Variants in PRKG1 observed in about 807,000 individuals in gnomAD.
PRKG1 encodes the protein cGMP-dependent protein kinase 1.
PRKG1 carries 35 observed loss-of-function variants against 88.1 expected under a neutral mutation model. That is an observed-to-expected ratio of 0.40 (90% CI 0.30 to 0.53). The LOEUF is 0.53. Among genes scored for constraint, PRKG1 ranks in the 20% least tolerant of loss-of-function variants. The pLI, the probability that PRKG1 is intolerant of heterozygous loss-of-function variation, is 0.59. For missense variants in PRKG1, 540 were observed against 839.8 expected (o/e 0.64, Z 4.41); for synonymous variants, 303 against 292.5 (o/e 1.04, Z -0.37).
intron 3 of PRKG1, among the ~76,000 whole-genome samples, chr10:51,563,791 T>C (rs1229844380): frequency 6.6e-6 from 1 of 152,164 alleles, no homozygotes; most frequent in African/African-American, 2.4e-5. Flanking sequence ...TCGGCCACTA[T>C]GTTGACCTCT....
intron 2 of PRKG1, among the ~76,000 whole-genome samples, chr10:51,186,543 C>T (rs1837491362): frequency 6.6e-6 from 1 of 151,976 alleles, no homozygotes; most frequent in Non-Finnish European, 1.5e-5. Flanking sequence ...CAAACAGTGT[C>T]TCAGGGTGAG....
intron 2 of PRKG1, among the ~76,000 whole-genome samples, chr10:51,348,578 C>A (rs180973683): frequency 2.7e-4 from 41 of 152,168 alleles, no homozygotes; most frequent in Non-Finnish European, 5.1e-4. Flanking sequence ...GAAATAAAGC[C>A]TTTTTTAAAA....
At chr10:51,232,788 C>T (rs1364801443) in intron 2 of PRKG1, among the ~76,000 whole-genome samples, 1 of 152,084 alleles carries the variant, frequency 6.6e-6, no homozygotes, top group Non-Finnish European at 1.5e-5. Flanking sequence ...TGCTTGAATC[C>T]ACAGCTCCTT....
chr10:52,200,631 C>A (rs1839639585), intron 9 of PRKG1, among the ~76,000 whole-genome samples: 2 of 152,166 alleles, frequency 1.3e-5, no homozygotes, highest in South Asian at 4.1e-4. Context: ...GAGAAATTAT[C>A]AGACTGCTTT....
intron 12 of PRKG1, among the ~76,000 whole-genome samples, chr10:52,274,534 T>TAC (rs3031885): frequency 0.1 from 15,271 of 149,844 alleles, 1,245 homozygotes; most frequent in African/African-American, 0.22. Flanking sequence ...TATATATATA[T>TAC]ACACACACAC....
chr10:51,916,788 G>A (rs1269308046), intron 5 of PRKG1, among the ~76,000 whole-genome samples: 1 of 152,132 alleles, frequency 6.6e-6, no homozygotes, highest in African/African-American at 2.4e-5. Context: ...ATCAGCTGAT[G>A]GATGGGTAAA....
rs549915466 is a variant in PRKG1 at position 51,967,206 on chromosome 10, T to C, written c.762+59636T>C. ...CTGGATTAAGAAAATGTGGCACGTA[T>C]ATACCAATGGAATACTATGCAGCCA... On this transcript the variant is annotated intron_variant, in intron 5 of 17. Transcript: ENST00000373980. 2.0e-5 allele frequency among the ~76,000 whole-genome samples: 3 copies of C among 152,302 alleles called. No homozygotes were observed. In the East Asian group the frequency reaches 5.8e-4, roughly 29 times the overall value.
chr10:51,041,744 T>A (rs1346737218), intron 1 of PRKG1, among the ~76,000 whole-genome samples: 1 of 152,190 alleles, frequency 6.6e-6, no homozygotes, highest in Non-Finnish European at 1.5e-5. Flanking sequence ...TCTGCCTTTT[T>A]ATGGAGGAAA....
At chr10:51,386,648 A>G (rs1837256464) in intron 2 of PRKG1, among the ~76,000 whole-genome samples, 1 of 152,172 alleles carries the variant, frequency 6.6e-6, no homozygotes, top group African/African-American at 2.4e-5. Flanking sequence ...AATCTGCTCT[A>G]CTCAGCCTAC....
intron 1 of PRKG1, among the ~76,000 whole-genome samples, chr10:51,124,230 T>G (rs558898854): frequency 6.6e-6 from 1 of 152,214 alleles, no homozygotes; most frequent in Admixed American, 6.5e-5. Context: ...GATTATCTTT[T>G]CTTCATTGTG....
intron 9 of PRKG1, among the ~76,000 whole-genome samples, chr10:52,197,721 T>G (rs1751105984): frequency 6.6e-6 from 1 of 152,246 alleles, no homozygotes; most frequent in Non-Finnish European, 1.5e-5. Context: ...TCCTTCATTC[T>G]GTAGAAGAGG....
chr10:52,239,954 A>C (rs956246473), intron 9 of PRKG1, among the ~76,000 whole-genome samples: 13 of 152,190 alleles, frequency 8.5e-5, no homozygotes, highest in African/African-American at 3.1e-4. Flanking sequence ...CAATATACAA[A>C]TCCTGCTCAA....
chr10:51,047,864 A>C (rs1843510811), intron 1 of PRKG1, among the ~76,000 whole-genome samples: 1 of 152,212 alleles, frequency 6.6e-6, no homozygotes, highest in Non-Finnish European at 1.5e-5. Flanking sequence ...ATTCTTAGGC[A>C]TTTACTATAC....
intron 9 of PRKG1, among the ~76,000 whole-genome samples, chr10:52,187,552 A>C (rs1839229969): frequency 6.6e-6 from 1 of 152,314 alleles, no homozygotes; most frequent in Non-Finnish European, 1.5e-5. Context: ...CACAAATTTG[A>C]TAGTCTCTCC....
chr10:51,691,870 C>T (rs913564460), intron 3 of PRKG1, among the ~76,000 whole-genome samples: 1 of 152,090 alleles, frequency 6.6e-6, no homozygotes, highest in African/African-American at 2.4e-5. Context: ...TTTGAGGTTT[C>T]TTGTCCAAAG....
intron 3 of PRKG1, among the ~76,000 whole-genome samples, chr10:51,535,837 C>T (rs1842136323): frequency 6.6e-6 from 1 of 151,410 alleles, no homozygotes; most frequent in South Asian, 2.1e-4. Context: ...ATTCTCCTGT[C>T]TCAGCCTCCT....
At chr10:51,558,158 A>T (rs1007859583) in intron 3 of PRKG1, among the ~76,000 whole-genome samples, 1 of 152,092 alleles carries the variant, frequency 6.6e-6, no homozygotes, top group South Asian at 2.1e-4. Context: ...TTATTCACAG[A>T]TATTAAATTT....
intron 2 of PRKG1, among the ~76,000 whole-genome samples, chr10:51,285,186 G>GT (rs1005903250): frequency 1.3e-5 from 2 of 150,918 alleles, no homozygotes; most frequent in South Asian, 4.2e-4. Context: ...GAGAATGATG[G>GT]TTTTTTTTAA....
chr10:51,090,267 T>C (rs529676345), intron 1 of PRKG1, among the ~76,000 whole-genome samples: 1 of 152,246 alleles, frequency 6.6e-6, no homozygotes, highest in African/African-American at 2.4e-5. Context: ...GATAAAGTGC[T>C]GTGTACATGT....
Sources: gnomAD v4.1 joint callset for allele counts (sites outside exome capture counted in the v4.1 genomes callset) on GRCh38, gnomAD v4.1.1 for gene constraint, MANE v1.5 for transcripts, NCBI Gene and HGNC (gene_info 2026-07-23, HGNC 2026-07-21) for gene names.